The following VSIG8 variants were observed in gnomAD, a reference collection of about 807,000 sequenced individuals.
VSIG8 encodes V-set and immunoglobulin domain containing 8.
A neutral mutation model predicts 42.6 loss-of-function variants in VSIG8; 32 were observed. That is an observed-to-expected ratio of 0.75 (90% CI 0.57 to 1.01). The LOEUF (loss-of-function observed/expected upper bound fraction) is 1.01. Among genes scored for constraint, VSIG8 ranks in the 50% least tolerant of loss-of-function variants. The pLI, the probability that VSIG8 is intolerant of heterozygous loss-of-function variation, is 0.00. For missense variants in VSIG8, 529 were observed against 558.0 expected, an observed-to-expected ratio of 0.95 and a Z score of 0.52; for synonymous variants, 290 against 243.8, an observed-to-expected ratio of 1.19 and a Z score of -1.77.
rs1648841102 is a variant in VSIG8 at position 159,856,702 on chromosome 1, C to T, written c.653-59G>A. On this transcript the variant is annotated intron_variant, in intron 4 of 6. Transcript: ENST00000368100. The stretch of plus-strand genomic sequence containing the variant: ...AGAGCTCCCACCCCAACCTCAGTCC[C>T]TGTGGGGTGGGGGATGGGACACCCA... 2.5e-6 allele frequency: 4 copies of T among 1,593,510 alleles called. No homozygotes were observed. The Admixed American group carries it at 6.9e-5, about 28-fold the overall frequency.
chr1:159,855,651 G>A (rs376867413), intron 6 of VSIG8: 55 of 965,478 alleles, frequency 5.7e-5, no homozygotes, highest in East Asian at 1.1e-4. Flanking sequence ...AGACAGGTGC[G>A]TAGGCAGGAG....
chr1:159,855,393 C>T (rs1648782728), intron 6 of VSIG8: 6 of 1,430,248 alleles, frequency 4.2e-6, no homozygotes, highest in Non-Finnish European at 5.5e-6. Flanking sequence ...CGAGCAATCT[C>T]TCTCTTTCTC....
rs34019182 is a variant in VSIG8 at position 159,856,771 on chromosome 1, C to CCACACA, written c.653-134_653-129dup. The CCACACA allele has an allele frequency of 8.1e-4, 723 of 890,426 alleles. 3 individuals are homozygous for CCACACA. Among genetic ancestry groups the CCACACA allele is most frequent in the African/African-American group, 7.2e-3 (396 of 55,186 alleles). The allele number at this position is 890,426 out of a possible 1,614,324, so 55.2% of individuals were successfully genotyped here. Reference sequence around the variant, plus strand: ...CTTATGCATGTGTGTACACCCACACCCACACACACACACACACACTCCACT... The same window carrying CCACACA: ...CTTATGCATGTGTGTACACCCACACCCACACACACACACACACACACACACTCCACT... On this transcript the variant is annotated intron_variant, in intron 4 of 6. Coordinates refer to ENST00000368100, the MANE Select transcript of VSIG8 (RefSeq NM_001013661.1).
Position 159,858,140 on chromosome 1 carries a change from C to T in VSIG8, c.380G>A (p.Arg127Gln), listed in dbSNP as rs769152559. ...QVSDTATYEC[R>Q]VKKTTMATRK... ...GGTGGCCATGGTGGTCTTCTTCACC[C>T]GGCACTCATAAGTGGCTGTATCAGA... The change falls in exon 3 of 7, where the codon CGG becomes CAG. Residue 127 changes from arginine (R) to glutamine (Q), a missense_variant. Transcript: ENST00000368100. 82 of 1,614,052 alleles carry T rather than the reference C, an allele frequency of 5.1e-5. No homozygotes were observed. The highest frequency in any genetic ancestry group is 1.5e-4 in the African/African-American group (11 of 74,918).
At position 159,856,555 on chromosome 1, in the gene VSIG8, G is replaced by A. The variant is rs1648833814; in HGVS notation, c.741C>T (p.Tyr247=). The A allele has an allele frequency of 6.2e-7, 1 of 1,614,116 alleles. No individual in the cohort carries two copies. The highest frequency in any genetic ancestry group is 8.5e-7 in the Non-Finnish European group (1 of 1,180,010). Residue 247 remains tyrosine (Y), a synonymous_variant, in exon 5 of 7, where the codon TAC becomes TAT. Transcript: ENST00000368100. ...CCTTCACCTCCACCACACAAACACT[G>A]TAGCCCACGTTGTTGGCCACTGTGC... ...YQCTVANNVG[Y]SVCVVEVKVS... is the part of the protein sequence containing the mutation.
chr1:159,859,194 A>T (rs1320291327), intron 1 of VSIG8, among the ~76,000 whole-genome samples: 2 of 152,194 alleles, frequency 1.3e-5, no homozygotes, highest in Non-Finnish European at 2.9e-5. Flanking sequence ...ACACGTATGT[A>T]CATTGTATGC....
At chr1:159,855,466 A>T in intron 6 of VSIG8, 1 of 1,389,746 alleles carries the variant, frequency 7.2e-7, no homozygotes, top group South Asian at 1.7e-5. Context: ...AATCATTAGC[A>T]CTACTAGACT....
In VSIG8 at chr1:159,862,458, T is replaced by C. The variant is rs1310424445; in HGVS notation, c.49+15A>G. The C allele has an allele frequency of 6.2e-7, 1 of 1,608,988 alleles. No homozygotes were observed. The highest frequency in any genetic ancestry group is 1.1e-5 in the South Asian group (1 of 90,590). The stretch of plus-strand genomic sequence containing the variant: ...GCCTCATGCTGGCTACCCTGCCCCC[T>C]GCCCAGCCCCGTACCTGGGCTCAGG... On this transcript the variant is annotated intron_variant, in intron 1 of 6. Coordinates refer to ENST00000368100, the MANE Select transcript of VSIG8 (RefSeq NM_001013661.1).
chr1:159,858,203 T>C lies in VSIG8; in HGVS notation c.317A>G (p.Gln106Arg), dbSNP rs1648909675. Residue 106 changes from glutamine to arginine, a missense_variant, in exon 3 of 7, where the codon CAG becomes CGG. By Grantham distance (43) the Gln-to-Arg change is conservative. Transcript: ENST00000368100. ...RVRFAASDPS[Q>R]YDASINLMNL... Reference sequence around the variant, plus strand: ...CATGAGGTTGATGGAGGCATCGTACTGGCTTGGGTCTGAGGCTGCAAAGCG... The same window carrying C: ...CATGAGGTTGATGGAGGCATCGTACCGGCTTGGGTCTGAGGCTGCAAAGCG... 6.2e-7 allele frequency: 1 copy of C among 1,614,218 alleles called. No homozygotes were observed. Among genetic ancestry groups the C allele is most frequent in the Non-Finnish European group, 8.5e-7 (1 of 1,180,024 alleles).
Position 159,857,921 on chromosome 1 carries a change from T to C in VSIG8, c.476A>G (p.Tyr159Cys). The C allele has an allele frequency of 1.2e-6, 2 of 1,614,170 alleles. No homozygotes were observed. The highest frequency in any genetic ancestry group is 1.7e-6 in the Non-Finnish European group (2 of 1,180,024). The change falls in exon 4 of 7, where the codon TAT (tyrosine) becomes TGT (cysteine). Residue 159 changes from tyrosine (Y) to cysteine (C), a missense_variant. Tyr to Cys is a radical substitution (Grantham distance 194, BLOSUM62 -2). Coordinates refer to ENST00000368100, the MANE Select transcript of VSIG8 (RefSeq NM_001013661.1). Reference sequence around the variant, plus strand: ...GCACTTCAGCACCACATCGTTGCCATATGTCATGTGGCCCTCTGTCCAGCA... The same window carrying C: ...GCACTTCAGCACCACATCGTTGCCACATGTCATGTGGCCCTCTGTCCAGCA... Reference protein sequence around the residue: ...PMCWTEGHMTYGNDVVLKCYA... With the variant: ...PMCWTEGHMTCGNDVVLKCYA...
At position 159,856,672 on chromosome 1, in the gene VSIG8, C is replaced by T. The variant is rs375023924; in HGVS notation, c.653-29G>A. 24 of 1,609,418 alleles carry T rather than the reference C, an allele frequency of 1.5e-5. No homozygotes were observed. In the African/African-American group the frequency reaches 2.9e-4, roughly 20 times the overall value. On this transcript the variant is annotated intron_variant, in intron 4 of 6. Transcript: ENST00000368100. The stretch of plus-strand genomic sequence containing the variant: ...AAAGTGAAGTGGAGAGAGGCCTGGT[C>T]TCTGAGAGCTCCCACCCCAACCTCA...
chr1:159,859,787 T>C (rs1648964430), intron 1 of VSIG8, among the ~76,000 whole-genome samples: 1 of 152,102 alleles, frequency 6.6e-6, no homozygotes, highest in South Asian at 2.1e-4. Context: ...GTGGCTCGCA[T>C]GCAGCTGCCC....
Position 159,858,827 on chromosome 1 carries a change from G to C in VSIG8, c.135C>G (p.Pro45=), listed in dbSNP as rs762492986. The C allele has an allele frequency of 3.1e-6, 5 of 1,614,116 alleles. No individual in the cohort carries two copies. Among genetic ancestry groups the C allele is most frequent in the South Asian group, 1.1e-5 (1 of 91,082 alleles). Residue 45 remains proline, a synonymous_variant, in exon 2 of 7, where the codon CCC becomes CCG. Coordinates refer to ENST00000368100, the MANE Select transcript of VSIG8 (RefSeq NM_001013661.1). ...CATAGTCCTCAGGGTCCAGGACGTAGGGGCAGCCCAGCCTCACATTATCAC... is the reference window on the plus strand; with the variant it reads ...CATAGTCCTCAGGGTCCAGGACGTACGGGCAGCCCAGCCTCACATTATCAC... ...AEGDNVRLGC[P]YVLDPEDYGP...
At chr1:159,857,720 C>T in intron 4 of VSIG8, 25 bp downstream of exon 4, 1 of 1,599,146 alleles carries the variant, frequency 6.3e-7, no homozygotes, top group Non-Finnish European at 8.6e-7. Context: ...TCACCCCCGA[C>T]TGCCCTCATC....
At chr1:159,857,601 G>A (rs1648880443) in intron 4 of VSIG8, 144 bp downstream of exon 4, 4 of 622,618 alleles carry the variant, frequency 6.4e-6, no homozygotes, top group Middle Eastern at 8.8e-4. Context: ...AATAGCAGCT[G>A]CTGGGGCAGG....
Position 159,862,574 on chromosome 1 carries a change from A to C in VSIG8, c.-53T>G. ...TGGGCTGGGTATCCCGTGGGGTCGT[A>C]GTGGTGGGTGTGAGGGGGTAGGTGG... On this transcript the variant is annotated 5_prime_UTR_variant, in exon 1 of 7. Coordinates refer to ENST00000368100, the MANE Select transcript of VSIG8 (RefSeq NM_001013661.1). The C allele has an allele frequency of 9.1e-7, 1 of 1,093,634 alleles. No homozygotes were observed. The highest frequency in any genetic ancestry group is 1.3e-6 in the Non-Finnish European group (1 of 766,228). 67.7% of individuals were successfully genotyped at this position (1,093,634 alleles called of 1,614,324 possible).
rs1194467925 is a variant in VSIG8, at chr1:159,855,141, C to T, written c.972-115G>A. 2.6e-6 allele frequency: 4 copies of T among 1,551,546 alleles called. No homozygotes were observed. In the South Asian group the frequency reaches 4.8e-5, roughly 18 times the overall value. On this transcript the variant is annotated intron_variant, in intron 6 of 6. Transcript: ENST00000368100. The stretch of plus-strand genomic sequence containing the variant: ...CTCTTGTCTCCCGCGCCTCCCTCCA[C>T]CTGCCCTCGTCTCTCTCCCTCGGCC...
intron 1 of VSIG8, among the ~76,000 whole-genome samples, chr1:159,859,715 T>C (rs767153537): frequency 7.2e-5 from 11 of 152,160 alleles, no homozygotes; most frequent in African/African-American, 1.9e-4. Flanking sequence ...CTGTAGGACA[T>C]TGTGAGTCTT....
At chr1:159,860,992 T>G (rs1239894851) in intron 1 of VSIG8, 1 of 152,212 alleles carries the variant, frequency 6.6e-6, no homozygotes, top group Admixed American at 6.5e-5. Context: ...CTTCTCAACC[T>G]CCTCCCAAGG....
Sources: gnomAD v4.1 joint callset for allele counts (sites outside exome capture counted in the v4.1 genomes callset) on GRCh38, gnomAD v4.1.1 for gene constraint, MANE v1.5 for transcripts, NCBI Gene and HGNC (gene_info 2026-07-23, HGNC 2026-07-21) for gene names.